Variants in SVIL observed in about 807,000 individuals in gnomAD.
SVIL encodes the protein archvillin.
SVIL carries 101 observed loss-of-function variants against 240.4 expected under a neutral mutation model. The observed-to-expected ratio is 0.42, with a 90% CI of 0.36 to 0.50. The LOEUF is 0.50. Ranked by LOEUF, SVIL falls within the 20% of genes least tolerant of loss-of-function variation. SVIL has a pLI of 0.01. For missense variants in SVIL, 2,512 were observed against 2,818.7 expected, an observed-to-expected ratio of 0.89 and a Z score of 2.46; for synonymous variants, 999 against 1,100.0, an observed-to-expected ratio of 0.91 and a Z score of 1.82.
intron 16 of SVIL, among the ~76,000 whole-genome samples, chr10:29,516,538 G>A (rs1564554554): frequency 6.6e-6 from 1 of 152,212 alleles, no homozygotes; most frequent in East Asian, 1.9e-4. Context: ...GGCTCTGAGA[G>A]GGTCGAGGAG....
At chr10:29,515,365 T>A (rs1950139178) in intron 16 of SVIL, among the ~76,000 whole-genome samples, 1 of 152,264 alleles carries the variant, frequency 6.6e-6, no homozygotes, top group South Asian at 2.1e-4. Flanking sequence ...TCTCCAATTA[T>A]TTTGAATGAG....
At chr10:29,468,017 T>C in intron 32 of SVIL, 142 bp from the exon 33 acceptor site, 1 of 930,566 alleles carries the variant, frequency 1.1e-6, no homozygotes, top group Non-Finnish European at 1.6e-6. Context: ...TCTTTTTATG[T>C]GTACAGATTT....
chr10:29,722,501 C>T (rs937685736), intron 1 of SVIL, among the ~76,000 whole-genome samples: 4 of 151,970 alleles, frequency 2.6e-5, no homozygotes, highest in African/African-American at 9.7e-5. Context: ...AGAAAAAGAA[C>T]GAAAGAAAGA....
chr10:29,680,247 G>A (rs1960532400), intron 2 of SVIL, among the ~76,000 whole-genome samples: 1 of 152,150 alleles, frequency 6.6e-6, no homozygotes, highest in South Asian at 2.1e-4. Context: ...ACTGGCACAT[G>A]TTCTCATAGG....
intron 11 of SVIL, 129 bp downstream of exon 11, chr10:29,530,478 G>T (rs1951279776): frequency 3.2e-6 from 3 of 938,300 alleles, no homozygotes; most frequent in Non-Finnish European, 4.9e-6. Flanking sequence ...TGAGATGGGG[G>T]TCTCACTGTG....
chr10:29,473,421 A>G (rs1257206336), intron 30 of SVIL: 1 of 198,292 alleles, frequency 5.0e-6, no homozygotes, highest in East Asian at 1.7e-4. Flanking sequence ...CTTCTCACCC[A>G]AAACATAGCA....
chr10:29,716,319 C>T (rs1388217326), intron 1 of SVIL, among the ~76,000 whole-genome samples: 1 of 151,908 alleles, frequency 6.6e-6, no homozygotes, highest in African/African-American at 2.4e-5. Context: ...TAAATATGGC[C>T]AATTTTTCTA....
upstream of SVIL, among the ~76,000 whole-genome samples, chr10:29,635,396 T>G (rs1460052704): frequency 6.6e-6 from 1 of 152,210 alleles, no homozygotes; most frequent in East Asian, 1.9e-4. Context: ...TCTCTACAAG[T>G]TTACAAATTC....
In SVIL at chr10:29,458,183, T is replaced by C; in HGVS notation, c.*64A>G. ...AAAAACACCAGTCCAAAAATATATA[T>C]CCATTTCCCTGGTGCAGTGGTGTTG... On this transcript the variant is annotated 3_prime_UTR_variant, in exon 38 of 38. Transcript: ENST00000355867. The C allele has an allele frequency of 6.7e-7, 1 of 1,483,482 alleles. No homozygotes were observed. The allele number at this position is 1,483,482 out of a possible 1,614,324, so 91.9% of individuals were successfully genotyped here.
chr10:29,665,928 A>G, intron 2 of SVIL, among the ~76,000 whole-genome samples: 1 of 152,146 alleles, frequency 6.6e-6, no homozygotes, highest in East Asian at 1.9e-4. Context: ...ATAACGGGGG[A>G]AAAAAGGGGA....
intron 1 of SVIL, among the ~76,000 whole-genome samples, chr10:29,597,351 C>CT (rs1554870559): frequency 6.6e-6 from 1 of 151,628 alleles, no homozygotes; most frequent in Non-Finnish European, 1.5e-5. Context: ...TAAATGCCTC[C>CT]TTTTTTTTTC....
At chr10:29,697,247 C>T (rs1182638975) in intron 1 of SVIL, among the ~76,000 whole-genome samples, 22 of 69,420 alleles carry the variant, frequency 3.2e-4, no homozygotes, top group Middle Eastern at 5.6e-3. Context: ...TGAGGGGCGC[C>T]TCTGCCCGGC....
intron 1 of SVIL, among the ~76,000 whole-genome samples, chr10:29,625,770 A>G (rs1957840114): frequency 6.6e-6 from 1 of 152,126 alleles, no homozygotes; most frequent in Admixed American, 6.6e-5. Flanking sequence ...CCTCAAACAT[A>G]TATTTTGAAA....
intron 1 of SVIL, among the ~76,000 whole-genome samples, chr10:29,715,129 C>T (rs969011869): frequency 1.3e-5 from 2 of 151,942 alleles, no homozygotes; most frequent in Admixed American, 1.3e-4. Flanking sequence ...ATAAATTGAA[C>T]TTTAAACAAA....
intron 17 of SVIL, among the ~76,000 whole-genome samples, chr10:29,503,960 C>T (rs1162269149): frequency 6.6e-6 from 1 of 152,162 alleles, no homozygotes; most frequent in African/African-American, 2.4e-5. Flanking sequence ...ACTATAAAGC[C>T]TCGGCAATCA....
At chr10:29,700,272 C>T (rs538140989) in intron 1 of SVIL, among the ~76,000 whole-genome samples, 2 of 152,078 alleles carry the variant, frequency 1.3e-5, no homozygotes, top group South Asian at 4.2e-4. Context: ...AGAGCAAGCC[C>T]TTTGATGAAC....
chr10:29,480,817 CA>C lies in SVIL; in HGVS notation c.5101-5del, dbSNP rs767487073. On this transcript the variant is annotated splice_region_variant and splice_polypyrimidine_tract_variant and intron_variant, in intron 28 of 37. Transcript: ENST00000355867. Reference sequence around the variant, plus strand: ...TGACATCAGTCCTGGGGTCTTCCTACAGGGGAACACAAAGACATCAGTTCAG... The same window carrying C: ...TGACATCAGTCCTGGGGTCTTCCTACGGGGAACACAAAGACATCAGTTCAG... 4.4e-6 allele frequency: 7 copies of C among 1,598,856 alleles called. No individual in the cohort carries two copies. In the African/African-American group the frequency reaches 9.3e-5, roughly 21 times the overall value.
chr10:29,545,197 T>C (rs1310790397), intron 6 of SVIL: 1 of 463,824 alleles, frequency 2.2e-6, no homozygotes, highest in Non-Finnish European at 4.4e-6. Flanking sequence ...CATCAGGAGA[T>C]GAGCAAATGC....
chr10:29,585,216 G>A (rs1956117266), intron 1 of SVIL, among the ~76,000 whole-genome samples: 1 of 151,876 alleles, frequency 6.6e-6, no homozygotes, highest in South Asian at 2.1e-4. Flanking sequence ...GACCACAGGT[G>A]TGTGCCACCA....
Sources: gnomAD v4.1 joint callset for allele counts (sites outside exome capture counted in the v4.1 genomes callset) on GRCh38, gnomAD v4.1.1 for gene constraint, MANE v1.5 for transcripts, NCBI Gene and HGNC (gene_info 2026-07-23, HGNC 2026-07-21) for gene names.